RBFOX1: variants seen among roughly 807,000 people sequenced by gnomAD.
RBFOX1 encodes RNA binding fox-1 homolog 1.
RBFOX1 carries 8 observed loss-of-function variants against 57.7 expected under a neutral mutation model. That is an observed-to-expected ratio of 0.14 (90% CI 0.08 to 0.25). The LOEUF (loss-of-function observed/expected upper bound fraction) is 0.25. RBFOX1 is among the 10% of genes least tolerant of loss of function. The pLI, the probability that RBFOX1 is intolerant of heterozygous loss-of-function variation, is 1.00. For synonymous variants in RBFOX1, 326 were observed against 222.4 expected (o/e 1.47, Z -4.15); for missense variants, 611 against 548.5 (o/e 1.11, Z -1.14).
chr16:5,430,170 G>A (rs570919975), intron 1 of RBFOX1, among the ~76,000 whole-genome samples: 1 of 152,232 alleles, frequency 6.6e-6, no homozygotes, highest in South Asian at 2.1e-4. Flanking sequence ...CTCTCTTCAT[G>A]GACGGACCAG....
intron 1 of RBFOX1, among the ~76,000 whole-genome samples, chr16:6,201,964 C>G (rs897473574): frequency 6.6e-6 from 1 of 152,156 alleles, no homozygotes; most frequent in African/African-American, 2.4e-5. Context: ...TAGGTCAACT[C>G]AGGTCCCCAT....
chr16:6,701,135 A>G (rs201258327), intron 3 of RBFOX1, among the ~76,000 whole-genome samples: 51 of 149,216 alleles, frequency 3.4e-4, no homozygotes, highest in African/African-American at 1.2e-3. Context: ...CTGTGTGTGT[A>G]TGTGTGTGTG....
chr16:6,097,663 G>A lies in RBFOX1; in HGVS notation c.-127+77671G>A, dbSNP rs1455042239. Among the ~76,000 whole-genome samples, 8 of 152,068 alleles carry A rather than the reference G, an allele frequency of 5.3e-5. No homozygotes were observed. Among genetic ancestry groups the A allele is most frequent in the Non-Finnish European group, 1.2e-4 (8 of 68,022 alleles). ...TGATTGACTCAAGTGCTTAATAAGT[G>A]TCTAAGCTAGGATTTGACCCTAGGG... is the stretch of plus-strand genomic sequence containing the variant. On this transcript the variant is annotated intron_variant, in intron 1 of 15. Coordinates refer to ENST00000550418, the MANE Select transcript of RBFOX1 (RefSeq NM_018723.4). The surrounding 1 kb of genome is among the most constrained non-coding windows in gnomAD (Gnocchi z 5.0).
chr16:5,449,815 C>T (rs540067608), intron 1 of RBFOX1, among the ~76,000 whole-genome samples: 5 of 152,008 alleles, frequency 3.3e-5, no homozygotes, highest in Admixed American at 2.6e-4. Context: ...ACTATGTTGC[C>T]CAGTCTGGTC....
At chr16:5,609,554 C>T (rs1381963164) in intron 3 of RBFOX1, among the ~76,000 whole-genome samples, 1 of 152,168 alleles carries the variant, frequency 6.6e-6, no homozygotes, top group East Asian at 1.9e-4. Flanking sequence ...GTAGAGATGT[C>T]CACCGTGTCA....
intron 4 of RBFOX1, among the ~76,000 whole-genome samples, chr16:7,232,461 A>T (rs549947608): frequency 1.3e-5 from 2 of 152,190 alleles, no homozygotes; most frequent in Non-Finnish European, 2.9e-5. Flanking sequence ...TAGGTGCTCA[A>T]TAAATAGCCT....
At chr16:6,364,368 C>G (rs1426110470) in intron 2 of RBFOX1, among the ~76,000 whole-genome samples, 1 of 152,124 alleles carries the variant, frequency 6.6e-6, no homozygotes, top group Non-Finnish European at 1.5e-5. Context: ...CTCTTTCTTT[C>G]TTTCTCATCT....
At chr16:5,969,674 A>G (rs2059925063) in intron 4 of RBFOX1, among the ~76,000 whole-genome samples, 1 of 151,926 alleles carries the variant, frequency 6.6e-6, no homozygotes, top group Non-Finnish European at 1.5e-5. Flanking sequence ...TAGGTAGCTT[A>G]TCTAACTTCA....
intron 3 of RBFOX1, among the ~76,000 whole-genome samples, chr16:6,953,346 A>G (rs1023665190): frequency 3.3e-5 from 5 of 151,492 alleles, no homozygotes; most frequent in African/African-American, 1.2e-4. Context: ...TTAATAACAT[A>G]GAGATCACAA....
chr16:6,868,426 C>G (rs2143000905), intron 3 of RBFOX1, among the ~76,000 whole-genome samples: 1 of 152,084 alleles, frequency 6.6e-6, no homozygotes, highest in African/African-American at 2.4e-5. Context: ...GTAAAGTTGC[C>G]AGGGCGAGGT....
At chr16:5,526,126 A>G (rs2044235406) in intron 2 of RBFOX1, among the ~76,000 whole-genome samples, 1 of 152,038 alleles carries the variant, frequency 6.6e-6, no homozygotes, top group Non-Finnish European at 1.5e-5. Flanking sequence ...TTGGCTGCTC[A>G]GGCCTCTGTC....
At chr16:7,505,631 C>T (rs1479607523) in intron 4 of RBFOX1, among the ~76,000 whole-genome samples, 3 of 152,152 alleles carry the variant, frequency 2.0e-5, no homozygotes, top group Non-Finnish European at 4.4e-5. Context: ...AATGGAAAAT[C>T]AGGATGGAAC....
At chr16:7,198,943 C>T (rs1363118387) in intron 4 of RBFOX1, among the ~76,000 whole-genome samples, 2 of 152,150 alleles carry the variant, frequency 1.3e-5, no homozygotes, top group Non-Finnish European at 2.9e-5. Flanking sequence ...ACCATGCTTG[C>T]AGGAGAACCC....
intron 4 of RBFOX1, among the ~76,000 whole-genome samples, chr16:5,978,322 TAAAATA>T (rs1472978698): frequency 6.6e-6 from 1 of 151,432 alleles, no homozygotes; most frequent in Non-Finnish European, 1.5e-5. Context: ...TCTTAAGAGA[TAAAATA>T]AAAATAAAAA....
intron 4 of RBFOX1, among the ~76,000 whole-genome samples, chr16:7,274,252 G>A (rs1480800430): frequency 1.3e-5 from 2 of 152,150 alleles, no homozygotes; most frequent in African/African-American, 4.8e-5. Context: ...AGTAATGTTA[G>A]GAACTGCTTG....
At chr16:7,116,164 G>C (rs2065861567) in intron 4 of RBFOX1, among the ~76,000 whole-genome samples, 1 of 152,074 alleles carries the variant, frequency 6.6e-6, no homozygotes, top group Non-Finnish European at 1.5e-5. Context: ...GTCATGCACT[G>C]CATTTTTCTC....
chr16:6,557,606 G>A (rs1028034606), intron 2 of RBFOX1, among the ~76,000 whole-genome samples: 4 of 152,184 alleles, frequency 2.6e-5, no homozygotes, highest in African/African-American at 9.6e-5. Flanking sequence ...CCTGTTGAAA[G>A]GGTAGTTAAG....
chr16:6,759,999 C>G (rs1186857398), intron 3 of RBFOX1, among the ~76,000 whole-genome samples: 2 of 152,134 alleles, frequency 1.3e-5, no homozygotes, highest in Non-Finnish European at 2.9e-5. Context: ...ATGTAGCCTT[C>G]AAGGGCATTA....
At chr16:6,193,377 CATTATATATATATACTAT>C (rs2097155826) in intron 1 of RBFOX1, among the ~76,000 whole-genome samples, 2 of 56,456 alleles carry the variant, frequency 3.5e-5, no homozygotes, top group Admixed American at 2.7e-4. Context: ...TATATATATA[CATTATATATATATACTAT>C]ATATATATAT....
Sources: allele counts gnomAD v4.1 joint callset (sites outside exome capture counted in the v4.1 genomes callset), GRCh38; gene constraint gnomAD v4.1.1; non-coding constraint Gnocchi (gnomAD v3.1); transcripts MANE v1.5; gene names NCBI Gene and HGNC (gene_info 2026-07-23, HGNC 2026-07-21).